The following RBPJ variants were observed in gnomAD, a reference collection of about 807,000 sequenced individuals.
The protein encoded by RBPJ is recombination signal binding protein for immunoglobulin kappa J region.
Under a neutral mutation model 67.8 loss-of-function variants are expected in RBPJ, and 9 were observed. That is an observed-to-expected ratio of 0.13 (90% CI 0.08 to 0.23). The LOEUF (loss-of-function observed/expected upper bound fraction) is 0.23, where lower values mean the gene tolerates loss of function less well. Among genes scored for constraint, RBPJ ranks in the 10% least tolerant of loss-of-function variants. The pLI is 1.00. For synonymous variants in RBPJ, 198 were observed against 203.3 expected (o/e 0.97, Z 0.22); for missense variants, 305 against 595.6 (o/e 0.51, Z 5.08).
At chr4:26,200,396 C>T (rs552150996) in intron 1 of RBPJ, among the ~76,000 whole-genome samples, 35 of 152,262 alleles carry the variant, frequency 2.3e-4, no homozygotes, top group East Asian at 1.9e-3. Context: ...TGGCCAGATA[C>T]GGTGGCCCAT....
chr4:26,367,164 A>G (rs1728722837), intron 1 of RBPJ, among the ~76,000 whole-genome samples: 1 of 150,900 alleles, frequency 6.6e-6, no homozygotes, highest in East Asian at 2.0e-4. Flanking sequence ...AGAAAATACA[A>G]ATAAAATGAT....
chr4:26,200,429 G>A (rs190130352), intron 1 of RBPJ, among the ~76,000 whole-genome samples: 1 of 152,204 alleles, frequency 6.6e-6, no homozygotes, highest in East Asian at 1.9e-4. Context: ...AGAACTTTGG[G>A]AGCCTGAAGT....
the RBPJ span, among the ~76,000 whole-genome samples, chr4:26,134,209 G>A: frequency 1.3e-5 from 2 of 152,158 alleles, no homozygotes; most frequent in African/African-American, 2.4e-5. Context: ...TCATGGGATA[G>A]CAGAGCTTTG....
intron 1 of RBPJ, among the ~76,000 whole-genome samples, chr4:26,308,005 G>A (rs951202643): frequency 5.3e-5 from 8 of 152,118 alleles, no homozygotes; most frequent in Non-Finnish European, 1.0e-4. Flanking sequence ...GGCCTGGAGC[G>A]GTGGCTCACG....
At chr4:26,387,894 A>G (rs1731083723) in intron 2 of RBPJ, among the ~76,000 whole-genome samples, 2 of 152,228 alleles carry the variant, frequency 1.3e-5, no homozygotes, top group Non-Finnish European at 2.9e-5. Flanking sequence ...GTAGTGATAT[A>G]AAATTGGGTC....
At position 26,427,010 on chromosome 4, in the gene RBPJ, T is replaced by C. The variant is rs192689472; in HGVS notation, c.748-1710T>C. Among the ~76,000 whole-genome samples, 562 of 152,246 alleles carry C rather than the reference T, an allele frequency of 3.7e-3. 3 individuals carry two copies. Among genetic ancestry groups the C allele is most frequent in the African/African-American group, 0.013 (537 of 41,540 alleles). On this transcript the variant is annotated intron_variant, in intron 7 of 10. Coordinates refer to ENST00000355476, the MANE Select transcript of RBPJ (RefSeq NM_015874.6). ...GATGGCCTATTTTTGTTTAGAAGTATATGTGTGGCTGCTGTGTGGAGAAGA... is the reference window on the plus strand; with the variant it reads ...GATGGCCTATTTTTGTTTAGAAGTACATGTGTGGCTGCTGTGTGGAGAAGA...
At chr4:26,297,364 A>G (rs537387212) in intron 1 of RBPJ, among the ~76,000 whole-genome samples, 1 of 148,022 alleles carries the variant, frequency 6.8e-6, no homozygotes, top group Non-Finnish European at 1.5e-5. Context: ...GTACGAGAGA[A>G]AGAGAGAGAG....
chr4:26,210,724 TTTCCTTCTTTAC>T (rs1560212096), intron 1 of RBPJ, among the ~76,000 whole-genome samples: 22 of 80,336 alleles, frequency 2.7e-4, no homozygotes, highest in South Asian at 4.0e-4. Flanking sequence ...TCCTTCTTTC[TTTCCTTCTTTAC>T]TTCTTTCCTT....
At chr4:26,393,122 C>T (rs1245141720) in intron 2 of RBPJ, among the ~76,000 whole-genome samples, 1 of 152,136 alleles carries the variant, frequency 6.6e-6, no homozygotes, top group South Asian at 2.1e-4. Flanking sequence ...GCTGGGATTA[C>T]AGGTGTGAGC....
chr4:26,361,556 G>A (rs776863232), intron 1 of RBPJ, among the ~76,000 whole-genome samples: 9 of 151,812 alleles, frequency 5.9e-5, no homozygotes, highest in East Asian at 3.9e-4. Flanking sequence ...TTTCATCTAC[G>A]TCTTTCCTAG....
chr4:26,166,688 A>G (rs996279391), intron 1 of RBPJ, among the ~76,000 whole-genome samples: 109 of 152,040 alleles, frequency 7.2e-4, no homozygotes, highest in African/African-American at 2.5e-3. Flanking sequence ...CTCTGATGGT[A>G]GTTTCTTTTG....
At chr4:26,315,333 G>A (rs1156903415), upstream of RBPJ, among the ~76,000 whole-genome samples, 2 of 151,164 alleles carry the variant, frequency 1.3e-5, no homozygotes, top group Non-Finnish European at 2.9e-5. Flanking sequence ...CAACTGGGCC[G>A]CCGGGGGTGA....
chr4:26,177,637 AAAGG>A lies in RBPJ; in HGVS notation c.-167+14031_-167+14034del, dbSNP rs1425508030. ...GAAAGAAAAAAAGAAAAGGAGAAAG[AAAGG>A]AAGGAAGAAAGAAAGAAAGAGAAAA... On this transcript the variant is annotated intron_variant, in intron 1 of 4. Coordinates refer to the RBPJ transcript ENST00000512351. Among the ~76,000 whole-genome samples the A allele has an allele frequency of 4.6e-5, 7 of 151,934 alleles. No individual in the cohort carries two copies. In the East Asian group the frequency reaches 5.8e-4, roughly 13 times the overall value.
intron 1 of RBPJ, among the ~76,000 whole-genome samples, chr4:26,379,222 C>T (rs544749964): frequency 7.2e-4 from 110 of 151,778 alleles, no homozygotes; most frequent in African/African-American, 2.5e-3. Context: ...CTCTGTTGCC[C>T]AGGCTGGAGT....
intron 1 of RBPJ, among the ~76,000 whole-genome samples, chr4:26,351,237 A>G (rs151235254): frequency 3.1e-3 from 475 of 152,314 alleles, no homozygotes; most frequent in Non-Finnish European, 5.1e-3. Context: ...GATCTCTGAC[A>G]CTTGAGGAAC....
At chr4:26,391,118 C>A (rs1451439994) in intron 2 of RBPJ, among the ~76,000 whole-genome samples, 1 of 152,132 alleles carries the variant, frequency 6.6e-6, no homozygotes, top group Non-Finnish European at 1.5e-5. Context: ...GGATTCAACA[C>A]AATCACAGTC....
chr4:26,155,078 G>T, the RBPJ span, among the ~76,000 whole-genome samples: 1 of 152,240 alleles, frequency 6.6e-6, no homozygotes, highest in South Asian at 2.1e-4. Context: ...CATTAAAAGA[G>T]GAAAATGTAA....
At chr4:26,336,983 GTTTGTTTT>G (rs1345875756) in intron 1 of RBPJ, among the ~76,000 whole-genome samples, 1 of 152,202 alleles carries the variant, frequency 6.6e-6, no homozygotes, top group Admixed American at 6.5e-5. Context: ...TTGTTTGTTT[GTTTGTTTT>G]TTGAGACTGA....
intron 1 of RBPJ, among the ~76,000 whole-genome samples, chr4:26,183,405 C>T (rs956982515): frequency 1.3e-5 from 2 of 152,226 alleles, no homozygotes; most frequent in South Asian, 2.1e-4. Flanking sequence ...TCAGAGCACA[C>T]GTTCTTGTTA....
Sources: allele counts gnomAD v4.1 joint callset (sites outside exome capture counted in the v4.1 genomes callset), GRCh38; gene constraint gnomAD v4.1.1; transcripts MANE v1.5; gene names NCBI Gene and HGNC (gene_info 2026-07-23, HGNC 2026-07-21).